The following ADAM19 variants were observed in gnomAD, a reference collection of about 807,000 sequenced individuals.
The protein encoded by ADAM19 is ADAM metallopeptidase domain 19.
Under a neutral mutation model 114.7 loss-of-function variants are expected in ADAM19, and 65 were observed. The ratio of observed to expected loss-of-function variants is 0.57; its 90% CI spans 0.46 to 0.70. The LOEUF (loss-of-function observed/expected upper bound fraction) is 0.70. Ranked by LOEUF, ADAM19 falls within the 30% of genes least tolerant of loss-of-function variation. ADAM19 has a pLI of 0.00. For synonymous variants in ADAM19, 466 were observed against 460.5 expected, an observed-to-expected ratio of 1.01 and a Z score of -0.15; for missense variants, 1,063 against 1,204.7, an observed-to-expected ratio of 0.88 and a Z score of 1.74.
rs1376386996 is a variant in ADAM19 at position 157,478,485 on chromosome 5, T to C, written c.*2464A>G. 3 of 828,978 alleles carry C rather than the reference T, an allele frequency of 3.6e-6. No homozygotes were observed. The highest frequency in any genetic ancestry group is 6.2e-5 in the Admixed American group (1 of 16,054). The allele number at this position is 828,978 out of a possible 1,614,324, so 51.4% of individuals were successfully genotyped here. A position where few individuals can be genotyped will look rare whatever the true frequency, so the allele number is the denominator to read the frequency against. On this transcript the variant is annotated 3_prime_UTR_variant, in exon 23 of 23. Coordinates refer to ENST00000257527, the MANE Select transcript of ADAM19 (RefSeq NM_033274.5). ...AGGCCCCTTCCTCTCCCTTTTGCAATATTCCCTTTCCCCTTCTGCAATCGT... is the reference window on the plus strand; with the variant it reads ...AGGCCCCTTCCTCTCCCTTTTGCAACATTCCCTTTCCCCTTCTGCAATCGT...
At position 157,570,125 on chromosome 5, in the gene ADAM19, C is replaced by G. The variant is rs1199993983; in HGVS notation, c.180+770G>C. 3.3e-5 allele frequency among the ~76,000 whole-genome samples: 5 copies of G among 152,032 alleles called. No homozygotes were observed. The East Asian group carries it at 9.6e-4, about 29-fold the overall frequency. On this transcript the variant is annotated intron_variant, in intron 2 of 22. Coordinates refer to ENST00000257527, the MANE Select transcript of ADAM19 (RefSeq NM_033274.5). ...AAATACAAAAATTAGCCTGGCTTCG[C>G]AGCACACACATGTAATCTCAGCTAC... is the stretch of plus-strand genomic sequence containing the variant.
rs776683806 is a variant in ADAM19, at chr5:157,519,915, C to A, written c.524G>T (p.Gly175Val). 6.2e-7 allele frequency: 1 copy of A among 1,614,052 alleles called. No homozygotes were observed. Among genetic ancestry groups the A allele is most frequent in the Non-Finnish European group, 8.5e-7 (1 of 1,180,012 alleles). The change falls in exon 6 of 23, where the codon GGG (glycine) becomes GTG (valine). Residue 175 changes from glycine to valine, a missense_variant. Physicochemically the swap from Gly to Val is moderately radical, Grantham distance 109. Coordinates refer to ENST00000257527, the MANE Select transcript of ADAM19 (RefSeq NM_033274.5). ...GGTGGTGGGCTTGGAGTGCTCGAACCCACAGTTTCCCGGGGGCGGCTTGAG... is the reference window on the plus strand; with the variant it reads ...GGTGGTGGGCTTGGAGTGCTCGAACACACAGTTTCCCGGGGGCGGCTTGAG... ...EHLKPPPGNC[G>V]FEHSKPTTRD...
At chr5:157,573,575 G>A (rs1275260758) in intron 1 of ADAM19, among the ~76,000 whole-genome samples, 13 of 151,962 alleles carry the variant, frequency 8.6e-5, no homozygotes, top group Admixed American at 4.6e-4. Context: ...GTGAAACCCC[G>A]TCTCTACTAA....
rs1262285113 is a variant in ADAM19, at chr5:157,481,687, C to A, written c.2703+104G>T. On this transcript the variant is annotated intron_variant, in intron 22 of 22. Transcript: ENST00000257527. ...TGGCTTTTGTTCTGGAAGTTCAGTC[C>A]AGACCACAAGAAGCATGAATTGCTT... The A allele has an allele frequency of 6.4e-6, 10 of 1,551,660 alleles. No individual in the cohort carries two copies. The East Asian group carries it at 1.5e-4, about 23-fold the overall frequency.
intron 2 of ADAM19, among the ~76,000 whole-genome samples, chr5:157,569,416 C>CTTTTTT (rs1196722802): frequency 6.0e-4 from 59 of 97,860 alleles, no homozygotes; most frequent in Non-Finnish European, 7.8e-4. Context: ...AGCTAATTTT[C>CTTTTTT]TTTTTTTTTT....
chr5:157,544,421 G>A (rs527427813), intron 3 of ADAM19, among the ~76,000 whole-genome samples: 10 of 152,148 alleles, frequency 6.6e-5, no homozygotes, highest in East Asian at 3.8e-4. Flanking sequence ...GCACCCTTCC[G>A]ACCAGTTTCT....
intron 4 of ADAM19, among the ~76,000 whole-genome samples, chr5:157,536,507 A>G (rs1212025383): frequency 1.3e-5 from 2 of 152,176 alleles, no homozygotes; most frequent in African/African-American, 2.4e-5. Flanking sequence ...GCATGCCTGT[A>G]ATCCCACCTA....
intron 16 of ADAM19, 86 bp from the exon 17 acceptor site, chr5:157,491,998 A>AT: frequency 1.5e-6 from 2 of 1,295,892 alleles, no homozygotes; most frequent in East Asian, 4.7e-5. Flanking sequence ...CTTGGAACAT[A>AT]TGAGGACCCA....
intron 3 of ADAM19, among the ~76,000 whole-genome samples, chr5:157,559,428 G>C (rs1030004808): frequency 2.6e-5 from 4 of 152,354 alleles, no homozygotes; most frequent in African/African-American, 7.2e-5. Context: ...ATTTGCTTTT[G>C]AAGGTGATCT....
rs1438114980 is a variant in ADAM19 at position 157,477,758 on chromosome 5, G to A, written c.*3191C>T. 1 of 1,285,454 alleles carries A rather than the reference G, an allele frequency of 7.8e-7. No homozygotes were observed. The allele number at this position is 1,285,454 out of a possible 1,614,324, so 79.6% of individuals were successfully genotyped here. A position where few individuals can be genotyped will look rare whatever the true frequency, so the allele number is the denominator to read the frequency against. ...CCTCTGTCAAATAAGAATAAATTAG[G>A]AAGTAGGCAGGGAGAGACTTCCAAT... On this transcript the variant is annotated 3_prime_UTR_variant, in exon 23 of 23. Coordinates refer to ENST00000257527, the MANE Select transcript of ADAM19 (RefSeq NM_033274.5).
intron 3 of ADAM19, among the ~76,000 whole-genome samples, chr5:157,559,148 G>A (rs1757441448): frequency 6.6e-6 from 1 of 152,164 alleles, no homozygotes; most frequent in Admixed American, 6.5e-5. Context: ...GTGGTTTGGA[G>A]GTAGACATAC....
intron 16 of ADAM19, 51 bp downstream of exon 16, chr5:157,492,922 A>T: frequency 1.3e-6 from 2 of 1,596,920 alleles, no homozygotes; most frequent in Non-Finnish European, 1.7e-6. Context: ...CTCACTTCTC[A>T]ATCACTCTGC....
At chr5:157,545,034 A>G (rs1053062691) in intron 3 of ADAM19, among the ~76,000 whole-genome samples, 7 of 152,350 alleles carry the variant, frequency 4.6e-5, no homozygotes, top group Non-Finnish European at 7.4e-5. Context: ...TGAAACTAAC[A>G]AACAAACATA....
chr5:157,479,798 C>A lies in ADAM19; in HGVS notation c.*1151G>T. On this transcript the variant is annotated 3_prime_UTR_variant, in exon 23 of 23. Transcript: ENST00000257527. ...ATGGGTCTGTTCTCTGCTCAGAGGG[C>A]AACGGTCCAGCCCGAAGTCAATGAC... is the stretch of plus-strand genomic sequence containing the variant. The A allele has an allele frequency of 1.0e-6, 1 of 985,600 alleles. No homozygotes were observed. Among genetic ancestry groups the A allele is most frequent in the Non-Finnish European group, 1.2e-6 (1 of 830,034 alleles). 61.1% of individuals were successfully genotyped at this position (985,600 alleles called of 1,614,324 possible).
Position 157,520,641 on chromosome 5 carries a change from A to G in ADAM19, c.408-610T>C, listed in dbSNP as rs536919805. Among the ~76,000 whole-genome samples the G allele has an allele frequency of 4.6e-5, 7 of 152,312 alleles. No homozygotes were observed. In the East Asian group the frequency reaches 1.2e-3, roughly 25 times the overall value. ...CCTCATCCCTAACACGGCAATGATA[A>G]CTTATCAAGACTACTGGATGATTAA... On this transcript the variant is annotated intron_variant, in intron 5 of 22. Coordinates refer to ENST00000257527, the MANE Select transcript of ADAM19 (RefSeq NM_033274.5).
In ADAM19 at chr5:157,491,924, G is replaced by A; in HGVS notation, c.1909-12C>T. 1 of 1,613,956 alleles carries A rather than the reference G, an allele frequency of 6.2e-7. No individual in the cohort carries two copies. Among genetic ancestry groups the A allele is most frequent in the Non-Finnish European group, 8.5e-7 (1 of 1,179,844 alleles). The stretch of plus-strand genomic sequence containing the variant: ...CCCTCAAAGCAAATCTGCACGGAGA[G>A]AAAACAGAACGATCAGTGCAATGGG... On this transcript the variant is annotated splice_polypyrimidine_tract_variant and intron_variant, in intron 16 of 22. Transcript: ENST00000257527.
chr5:157,552,446 G>C (rs1757226585), intron 3 of ADAM19, among the ~76,000 whole-genome samples: 1 of 151,964 alleles, frequency 6.6e-6, no homozygotes, highest in African/African-American at 2.4e-5. Flanking sequence ...GAGCTTAGGA[G>C]TTCAAGCCCA....
chr5:157,518,254 T>G (rs531328787), intron 7 of ADAM19, among the ~76,000 whole-genome samples: 1 of 151,806 alleles, frequency 6.6e-6, no homozygotes, highest in East Asian at 1.9e-4. Flanking sequence ...GACAACTGTC[T>G]TGATTTTCTA....
intron 22 of ADAM19, chr5:157,481,564 C>A: frequency 6.7e-7 from 1 of 1,492,660 alleles, no homozygotes; most frequent in Non-Finnish European, 8.9e-7. Flanking sequence ...AGGGGCAGGA[C>A]TGAAGCCACC....
Sources: gnomAD v4.1 joint callset for allele counts (sites outside exome capture counted in the v4.1 genomes callset) on GRCh38, gnomAD v4.1.1 for gene constraint, MANE v1.5 for transcripts, NCBI Gene and HGNC (gene_info 2026-07-23, HGNC 2026-07-21) for gene names.